POU6F2: variants seen among roughly 807,000 people sequenced by gnomAD.
The protein encoded by POU6F2 is POU class 6 homeobox 2.
A neutral mutation model predicts 71.3 loss-of-function variants in POU6F2; 31 were observed. The ratio of observed to expected loss-of-function variants is 0.43; its 90% CI spans 0.33 to 0.59. The LOEUF (loss-of-function observed/expected upper bound fraction) is 0.59. Among genes scored for constraint, POU6F2 ranks in the 20% least tolerant of loss-of-function variants. POU6F2 has a pLI of 0.04. For missense variants in POU6F2, 783 were observed against 856.8 expected, an observed-to-expected ratio of 0.91 and a Z score of 1.07; for synonymous variants, 347 against 355.7, an observed-to-expected ratio of 0.98 and a Z score of 0.27.
chr7:39,155,731 T>G (rs186746435), intron 2 of POU6F2, among the ~76,000 whole-genome samples: 1 of 152,144 alleles, frequency 6.6e-6, no homozygotes. Context: ...AATTCAGTGG[T>G]CTTAATTTTT....
chr7:39,306,371 G>A lies in POU6F2; in HGVS notation c.599-33271G>A, dbSNP rs143687145. Among the ~76,000 whole-genome samples, 58 of 152,230 alleles carry A rather than the reference G, an allele frequency of 3.8e-4. No homozygotes were observed. In the East Asian group the frequency reaches 0.011, roughly 28 times the overall value. Reference sequence around the variant, plus strand: ...TTTACCCACAGCATTGCATTCATTCGTCCTAGCATTCTTGCAGGTGGGTAT... The same window carrying A: ...TTTACCCACAGCATTGCATTCATTCATCCTAGCATTCTTGCAGGTGGGTAT... On this transcript the variant is annotated intron_variant, in intron 4 of 9. Transcript: ENST00000518318.
At chr7:39,147,390 G>A (rs7777072) in intron 2 of POU6F2, among the ~76,000 whole-genome samples, 1,671 of 152,290 alleles carry the variant, frequency 0.011, 26 homozygotes, top group African/African-American at 0.033. Context: ...TGTAGGAGAC[G>A]TGTGAGCTGT....
At chr7:39,279,856 C>T (rs1251532472) in intron 4 of POU6F2, among the ~76,000 whole-genome samples, 1 of 152,148 alleles carries the variant, frequency 6.6e-6, no homozygotes, top group Non-Finnish European at 1.5e-5. Context: ...AAGTGATTCT[C>T]CTGCCTCAGC....
intron 1 of POU6F2, among the ~76,000 whole-genome samples, chr7:39,061,340 AG>A (rs747314318): frequency 6.6e-6 from 1 of 152,310 alleles, no homozygotes; most frequent in East Asian, 1.9e-4. Context: ...ATAGCCTCTT[AG>A]GATAATCGTG....
intron 2 of POU6F2, among the ~76,000 whole-genome samples, chr7:39,147,475 G>A (rs1792646991): frequency 1.3e-5 from 2 of 152,158 alleles, no homozygotes; most frequent in South Asian, 4.1e-4. Flanking sequence ...GAGGTCGCTT[G>A]TAAACTAATA....
chr7:39,377,016 T>C (rs1176882828), intron 5 of POU6F2, among the ~76,000 whole-genome samples: 4 of 148,312 alleles, frequency 2.7e-5, no homozygotes, highest in African/African-American at 7.3e-5. Flanking sequence ...TGTTTAACTA[T>C]ATATTAAATA....
Position 39,178,924 on chromosome 7 carries a change from T to A in POU6F2, c.278-25311T>A, listed in dbSNP as rs142685757. On this transcript the variant is annotated intron_variant, in intron 2 of 9. Transcript: ENST00000518318. The stretch of plus-strand genomic sequence containing the variant: ...GTGTTTGTTTGGGTACAGGGCATTC[T>A]CAGCTGTGTTTTATTAGGTGAATAA... 2.2e-3 allele frequency among the ~76,000 whole-genome samples: 329 copies of A among 152,288 alleles called. 1 individual carries two copies. Among genetic ancestry groups the A allele is most frequent in the African/African-American group, 7.6e-3 (314 of 41,542 alleles).
chr7:39,434,142 C>T (rs549617537), intron 7 of POU6F2, among the ~76,000 whole-genome samples: 3 of 151,986 alleles, frequency 2.0e-5, no homozygotes, highest in Non-Finnish European at 4.4e-5. Flanking sequence ...GAATGGAGTC[C>T]GGACAGCTGG....
chr7:39,146,210 T>C (rs1013504668), intron 2 of POU6F2, among the ~76,000 whole-genome samples: 2 of 152,188 alleles, frequency 1.3e-5, no homozygotes, highest in Non-Finnish European at 2.9e-5. Flanking sequence ...TGAATAAGGA[T>C]GAACTGCTTT....
intron 2 of POU6F2, among the ~76,000 whole-genome samples, chr7:39,172,586 A>G (rs1167359548): frequency 1.4e-5 from 2 of 145,990 alleles, no homozygotes; most frequent in Non-Finnish European, 3.0e-5. Context: ...GACAGAAATT[A>G]TCAGAATTAT....
At chr7:39,408,351 C>T (rs1019935200) in intron 6 of POU6F2, among the ~76,000 whole-genome samples, 1 of 152,142 alleles carries the variant, frequency 6.6e-6, no homozygotes, top group African/African-American at 2.4e-5. Context: ...TGCAGAAAAT[C>T]CATTATTATT....
At chr7:39,192,081 A>C (rs970739640) in intron 2 of POU6F2, among the ~76,000 whole-genome samples, 1 of 152,222 alleles carries the variant, frequency 6.6e-6, no homozygotes, top group Non-Finnish European at 1.5e-5. Flanking sequence ...GTTGTGCGAC[A>C]TCTTTCTCTT....
chr7:39,337,877 A>G (rs1358005432), intron 4 of POU6F2, among the ~76,000 whole-genome samples: 1 of 152,168 alleles, frequency 6.6e-6, no homozygotes, highest in Non-Finnish European at 1.5e-5. Flanking sequence ...AGCAATATGA[A>G]CTTACGGATA....
chr7:39,141,773 A>G (rs1490276910), intron 2 of POU6F2, among the ~76,000 whole-genome samples: 4 of 152,234 alleles, frequency 2.6e-5, no homozygotes, highest in African/African-American at 9.6e-5. Flanking sequence ...ACGAAAGAAG[A>G]CTGAAAAAAG....
chr7:39,337,754 A>G (rs1207157625), intron 4 of POU6F2, among the ~76,000 whole-genome samples: 1 of 152,174 alleles, frequency 6.6e-6, no homozygotes, highest in African/African-American at 2.4e-5. Flanking sequence ...ATACCTGAAC[A>G]TATTTAATTC....
intron 5 of POU6F2, among the ~76,000 whole-genome samples, chr7:39,391,804 A>G (rs1024654487): frequency 2.6e-5 from 4 of 152,208 alleles, no homozygotes; most frequent in Admixed American, 1.3e-4. Flanking sequence ...GCAGTTACTT[A>G]TCTTTTAACA....
At chr7:39,418,868 T>C (rs547030183) in intron 6 of POU6F2, among the ~76,000 whole-genome samples, 108 of 149,868 alleles carry the variant, frequency 7.2e-4, no homozygotes, top group Non-Finnish European at 3.0e-4. Context: ...CATATAGTAG[T>C]CATTTCATAA....
intron 5 of POU6F2, among the ~76,000 whole-genome samples, chr7:39,395,945 C>T (rs912533466): frequency 6.6e-6 from 1 of 152,118 alleles, no homozygotes; most frequent in Non-Finnish European, 1.5e-5. Flanking sequence ...TATAAAAAAA[C>T]AAAACCAGAA....
At chr7:39,190,891 T>G (rs1265310386) in intron 2 of POU6F2, among the ~76,000 whole-genome samples, 1 of 152,044 alleles carries the variant, frequency 6.6e-6, no homozygotes, top group African/African-American at 2.4e-5. Flanking sequence ...CTGCCTCAGC[T>G]CCCAAAGTGC....
Sources: gnomAD v4.1 joint callset for allele counts (sites outside exome capture counted in the v4.1 genomes callset) on GRCh38, gnomAD v4.1.1 for gene constraint, MANE v1.5 for transcripts, NCBI Gene and HGNC (gene_info 2026-07-23, HGNC 2026-07-21) for gene names.